The following CSMD1 variants were observed in gnomAD, a reference collection of about 807,000 sequenced individuals.
The protein encoded by CSMD1 is CUB and Sushi multiple domains 1, also known as CUB and sushi domain-containing protein 1.
In CSMD1, 213 loss-of-function variants were observed where a neutral mutation model predicts 417.5. The observed-to-expected ratio is 0.51, with a 90% confidence interval of 0.46 to 0.57. CSMD1 has a LOEUF of 0.57. Among genes scored for constraint, CSMD1 ranks in the 20% least tolerant of loss-of-function variants. CSMD1 has a pLI of 0.00. For missense variants in CSMD1, 6,923 were observed against 4,529.7 expected, an observed-to-expected ratio of 1.53 and a Z score of -15.17; for synonymous variants, 2,862 against 1,736.8, an observed-to-expected ratio of 1.65 and a Z score of -16.11.
chr8:4,959,589 G>A (rs1809342412), intron 1 of CSMD1, among the ~76,000 whole-genome samples: 1 of 152,216 alleles, frequency 6.6e-6, no homozygotes, highest in Non-Finnish European at 1.5e-5. Context: ...CTATCTAACT[G>A]CTGTAGGCAT....
chr8:3,972,503 G>A (rs1392733021), intron 5 of CSMD1, among the ~76,000 whole-genome samples: 1 of 152,108 alleles, frequency 6.6e-6, no homozygotes, highest in African/African-American at 2.4e-5. Flanking sequence ...TTTTGCCTCT[G>A]TCATTCTTTA....
At chr8:3,318,380 C>CGCTT (rs1156291484) in intron 23 of CSMD1, among the ~76,000 whole-genome samples, 54 of 152,242 alleles carry the variant, frequency 3.5e-4, no homozygotes, top group African/African-American at 1.2e-3. Context: ...TTAATGCAAT[C>CGCTT]ACTTAGCATA....
chr8:2,950,113 T>A, intron 67 of CSMD1, 118 bp downstream of exon 67: 1 of 662,018 alleles, frequency 1.5e-6, no homozygotes, highest in African/African-American at 1.8e-5. Flanking sequence ...AGCTGAGTTT[T>A]CAAGGGGCAG....
chr8:4,151,723 A>C (rs946543206), intron 3 of CSMD1, among the ~76,000 whole-genome samples: 1 of 152,244 alleles, frequency 6.6e-6, no homozygotes. Flanking sequence ...ATAAATTAAC[A>C]GCGGGTAAAT....
chr8:4,717,567 C>CTATCTATCT (rs1563208959), intron 1 of CSMD1, among the ~76,000 whole-genome samples: 2 of 80,440 alleles, frequency 2.5e-5, no homozygotes, highest in African/African-American at 1.4e-4. Context: ...TCTATCTATC[C>CTATCTATCT]ATCCATCCAT....
chr8:3,167,292 A>AAAG (rs1491254683), intron 37 of CSMD1, among the ~76,000 whole-genome samples: 2 of 70,068 alleles, frequency 2.9e-5, no homozygotes, highest in African/African-American at 1.2e-4. Flanking sequence ...TTGGAAAAAG[A>AAAG]AAAAAAAAAA....
chr8:3,950,005 G>C (rs779871510), intron 5 of CSMD1: 4 of 455,886 alleles, frequency 8.8e-6, no homozygotes, highest in Non-Finnish European at 1.8e-5. Flanking sequence ...CACTACATTT[G>C]CCAGGGTCCA....
At chr8:4,844,302 T>C (rs1801009938) in intron 1 of CSMD1, among the ~76,000 whole-genome samples, 1 of 152,168 alleles carries the variant, frequency 6.6e-6, no homozygotes, top group Non-Finnish European at 1.5e-5. Flanking sequence ...TCCTCCAGCA[T>C]CAGTAGATAG....
At chr8:3,830,008 C>A (rs1802283122) in intron 5 of CSMD1, among the ~76,000 whole-genome samples, 1 of 152,106 alleles carries the variant, frequency 6.6e-6, no homozygotes, top group Non-Finnish European at 1.5e-5. Flanking sequence ...CCTTTGTTAA[C>A]AAGGTAAGTG....
At chr8:4,720,222 A>C (rs1185469108) in intron 1 of CSMD1, among the ~76,000 whole-genome samples, 1 of 151,570 alleles carries the variant, frequency 6.6e-6, no homozygotes, top group Non-Finnish European at 1.5e-5. Context: ...GATGTTTCTT[A>C]GTAATAATAT....
intron 5 of CSMD1, among the ~76,000 whole-genome samples, chr8:3,758,113 G>A (rs748172182): frequency 6.5e-4 from 99 of 151,998 alleles, no homozygotes; most frequent in Middle Eastern, 3.4e-3. Flanking sequence ...ACAGGCACCG[G>A]CCACCACACC....
chr8:3,040,201 T>C (rs979019389), intron 50 of CSMD1, among the ~76,000 whole-genome samples: 7 of 152,088 alleles, frequency 4.6e-5, no homozygotes, highest in African/African-American at 1.4e-4. Flanking sequence ...ATGTTCTGTT[T>C]ATTTCCTCAT....
At chr8:4,097,959 G>A (rs941749290) in intron 3 of CSMD1, among the ~76,000 whole-genome samples, 4 of 152,146 alleles carry the variant, frequency 2.6e-5, no homozygotes, top group African/African-American at 4.8e-5. Context: ...ATCATGGTAT[G>A]TTCTTATTTT....
intron 1 of CSMD1, among the ~76,000 whole-genome samples, chr8:4,671,846 A>T (rs1805350821): frequency 6.6e-6 from 1 of 152,148 alleles, no homozygotes; most frequent in Non-Finnish European, 1.5e-5. Flanking sequence ...AGTTTCATTT[A>T]TGCTTCATCT....
intron 3 of CSMD1, among the ~76,000 whole-genome samples, chr8:4,305,406 C>T (rs1449145397): frequency 6.6e-6 from 1 of 152,086 alleles, no homozygotes; most frequent in Non-Finnish European, 1.5e-5. Flanking sequence ...AGGGTTCCAT[C>T]AGCTTAAGTG....
At chr8:4,303,854 A>G (rs1305879340) in intron 3 of CSMD1, among the ~76,000 whole-genome samples, 1 of 151,916 alleles carries the variant, frequency 6.6e-6, no homozygotes, top group Admixed American at 6.6e-5. Context: ...ACAGGGTTTC[A>G]CTATGTTGCC....
intron 1 of CSMD1, among the ~76,000 whole-genome samples, chr8:4,879,446 C>T (rs777396760): frequency 1.7e-4 from 26 of 151,970 alleles, no homozygotes; most frequent in South Asian, 6.3e-4. Flanking sequence ...TTTAGGGGAT[C>T]GGGAAGATAT....
chr8:3,774,676 G>C (rs1798804837), intron 5 of CSMD1, among the ~76,000 whole-genome samples: 1 of 152,126 alleles, frequency 6.6e-6, no homozygotes, highest in African/African-American at 2.4e-5. Flanking sequence ...GAAAAAATCA[G>C]TTTGACTAAT....
intron 3 of CSMD1, among the ~76,000 whole-genome samples, chr8:4,309,932 C>A (rs1798466722): frequency 6.6e-6 from 1 of 152,126 alleles, no homozygotes; most frequent in African/African-American, 2.4e-5. Context: ...TCATTAGAAA[C>A]ATGATAGTCG....
Sources: gnomAD v4.1 joint callset for allele counts (sites outside exome capture counted in the v4.1 genomes callset) on GRCh38, gnomAD v4.1.1 for gene constraint, MANE v1.5 for transcripts, NCBI Gene and HGNC (gene_info 2026-07-23, HGNC 2026-07-21) for gene names.